Variants in DENND2B observed in about 807,000 individuals in gnomAD.
DENND2B encodes DENN domain containing 2B.
A neutral mutation model predicts 116.0 loss-of-function variants in DENND2B; 32 were observed. That is an observed-to-expected ratio of 0.28 (90% CI 0.21 to 0.37). DENND2B has a LOEUF of 0.37. Ranked by LOEUF, DENND2B falls within the 10% of genes least tolerant of loss-of-function variation. DENND2B has a pLI of 1.00. For synonymous variants in DENND2B, 588 were observed against 583.9 expected (o/e 1.01, Z -0.10); for missense variants, 1,276 against 1,477.7 (o/e 0.86, Z 2.24).
intron 1 of DENND2B, among the ~76,000 whole-genome samples, chr11:8,883,466 G>T (rs1035976197): frequency 6.6e-6 from 1 of 152,090 alleles, no homozygotes; most frequent in Non-Finnish European, 1.5e-5. Flanking sequence ...AGTTTGGTTT[G>T]ATTTTCTTTT....
rs1173946057 is a variant in DENND2B at position 8,902,784 on chromosome 11, T to C, written c.-256+8037A>G. ...CTTTCAACTTATTTGTGTGTTTGAC[T>C]ATAAGTTGTGTTTCTTGTAGACAGA... On this transcript the variant is annotated intron_variant, in intron 1 of 22. Transcript: ENST00000534127. Among the ~76,000 whole-genome samples, 5 of 152,252 alleles carry C rather than the reference T, an allele frequency of 3.3e-5. No individual in the cohort carries two copies. The East Asian group carries it at 9.6e-4, about 29-fold the overall frequency.
Position 8,712,528 on chromosome 11 carries a change from G to C in DENND2B, c.2172+23C>G. ...GATGGAAGAGGGGGAATATGGGCAA[G>C]GTGGGGAGAGAGAAGGCCTCACCTT... On this transcript the variant is annotated intron_variant, in intron 9 of 19. Transcript: ENST00000313726. This position sits in a 1 kb window ranked among gnomAD's most constrained non-coding sequence, Gnocchi z 4.4. The C allele has an allele frequency of 6.5e-7, 1 of 1,546,524 alleles. No homozygotes were observed. The highest frequency in any genetic ancestry group is 8.7e-7 in the Non-Finnish European group (1 of 1,143,198).
intron 4 of DENND2B, among the ~76,000 whole-genome samples, chr11:8,723,939 G>A (rs760450940): frequency 5.6e-4 from 85 of 152,252 alleles, no homozygotes; most frequent in Non-Finnish European, 1.1e-3. Context: ...CAATGGCCCA[G>A]CAAGTGGTAA....
At chr11:8,710,687 C>T (rs2043450505) in intron 11 of DENND2B, among the ~76,000 whole-genome samples, 158 bp downstream of exon 11, 5 of 150,872 alleles carry the variant, frequency 3.3e-5, no homozygotes, top group Admixed American at 3.3e-4. Flanking sequence ...TGTGTGTTGG[C>T]AGGGGGTTCG....
At chr11:8,746,804 G>C (rs904943412) in intron 2 of DENND2B, among the ~76,000 whole-genome samples, 1 of 152,196 alleles carries the variant, frequency 6.6e-6, no homozygotes, top group Non-Finnish European at 1.5e-5. Flanking sequence ...GAAGATCCCA[G>C]GAGTGCTCAT....
chr11:8,806,636 A>ACACACACACACACACC (rs1426363936), intron 1 of DENND2B, among the ~76,000 whole-genome samples: 49 of 151,706 alleles, frequency 3.2e-4, no homozygotes, highest in African/African-American at 1.1e-3. Context: ...ACACACACAC[A>ACACACACACACACACC]CACCCAGGAG....
chr11:8,844,133 T>G (rs1205384370), intron 3 of DENND2B, among the ~76,000 whole-genome samples: 1 of 152,182 alleles, frequency 6.6e-6, no homozygotes, highest in Non-Finnish European at 1.5e-5. Flanking sequence ...GGCACAGTGG[T>G]GCATGCCTGT....
At chr11:8,751,725 C>T (rs1304616521) in intron 1 of DENND2B, among the ~76,000 whole-genome samples, 2 of 152,180 alleles carry the variant, frequency 1.3e-5, no homozygotes, top group Non-Finnish European at 2.9e-5. Context: ...CACAATTTCA[C>T]AGAAAACAAA....
chr11:8,762,366 CTAGA>C (rs2054822171), intron 1 of DENND2B, among the ~76,000 whole-genome samples: 1 of 152,192 alleles, frequency 6.6e-6, no homozygotes, highest in South Asian at 2.1e-4. Flanking sequence ...ACTGCCCTCC[CTAGA>C]TAGGGTGAAC....
At chr11:8,760,529 GATCA>G (rs2054417679) in intron 1 of DENND2B, among the ~76,000 whole-genome samples, 1 of 152,024 alleles carries the variant, frequency 6.6e-6, no homozygotes, top group Non-Finnish European at 1.5e-5. Flanking sequence ...GAGGTGGGAG[GATCA>G]CTTGAGCCCA....
chr11:8,840,929 G>A (rs2062601758), intron 3 of DENND2B, among the ~76,000 whole-genome samples: 1 of 152,078 alleles, frequency 6.6e-6, no homozygotes, highest in Non-Finnish European at 1.5e-5. Flanking sequence ...TGTTGATACT[G>A]TTTTCATCAA....
intron 1 of DENND2B, among the ~76,000 whole-genome samples, chr11:8,888,873 C>T (rs1373565360): frequency 1.3e-5 from 2 of 152,084 alleles, no homozygotes; most frequent in African/African-American, 4.8e-5. Flanking sequence ...TGAGATGCCA[C>T]CTCATACCTA....
At chr11:8,757,087 C>G (rs1331868793) in intron 1 of DENND2B, 1 of 456,294 alleles carries the variant, frequency 2.2e-6, no homozygotes, top group Non-Finnish European at 4.4e-6. Flanking sequence ...CAAACAGGCA[C>G]AGTCGCAGGC....
chr11:8,888,533 T>C (rs1438353722), intron 1 of DENND2B, among the ~76,000 whole-genome samples: 2 of 152,144 alleles, frequency 1.3e-5, no homozygotes, highest in African/African-American at 2.4e-5. Context: ...TTCTGGGATA[T>C]GACACAAAGG....
chr11:8,806,838 G>T (rs188466583), intron 1 of DENND2B, among the ~76,000 whole-genome samples: 1 of 151,742 alleles, frequency 6.6e-6, no homozygotes, highest in African/African-American at 2.4e-5. Flanking sequence ...CTCCCCAGGA[G>T]AAGGCACACA....
intron 1 of DENND2B, chr11:8,810,115 T>C (rs1470304063): frequency 2.6e-5 from 4 of 151,016 alleles, no homozygotes; most frequent in African/African-American, 9.8e-5. Context: ...ACAGACAGTG[T>C]TCACTAGGAC....
Position 8,792,070 on chromosome 11 carries a change from T to C in DENND2B, c.-26+18447A>G, listed in dbSNP as rs375988137. Among the ~76,000 whole-genome samples, 6 of 151,602 alleles carry C rather than the reference T, an allele frequency of 4.0e-5. 1 individual carries two copies. The South Asian group carries it at 1.3e-3, about 32-fold the overall frequency. On this transcript the variant is annotated intron_variant, in intron 1 of 19. Coordinates refer to ENST00000313726, the MANE Select transcript of DENND2B (RefSeq NM_213618.2). Reference sequence around the variant, plus strand: ...AAATACAAAAATTAGCTGGGCATGATGGTGGGTGCCTGTAATCCCAGCTAC... The same window carrying C: ...AAATACAAAAATTAGCTGGGCATGACGGTGGGTGCCTGTAATCCCAGCTAC...
In DENND2B at chr11:8,717,770, C is replaced by T; in HGVS notation, c.1600G>A (p.Asp534Asn). Residue 534 changes from aspartate to asparagine, a missense_variant, in exon 5 of 20, where the codon GAC (aspartate) becomes AAC (asparagine). Physicochemically the swap from Asp to Asn is conservative, Grantham distance 23. This residue lies in a region of DENND2B where 856 missense variants were observed against 846.6 expected (regional missense o/e 1.01). Coordinates refer to ENST00000313726, the MANE Select transcript of DENND2B (RefSeq NM_213618.2). ...GTGGGCGGGCTGTTGTACTTCCTGT[C>T]CTGAGGACTCCACATCCTGTGCAAA... Reference protein sequence around the residue: ...DSLHRMWSPQDRKYNSPPTQL... With the variant: ...DSLHRMWSPQNRKYNSPPTQL... 4.4e-6 allele frequency: 7 copies of T among 1,597,170 alleles called. No individual in the cohort carries two copies. Among genetic ancestry groups the T allele is most frequent in the Non-Finnish European group, 6.0e-6 (7 of 1,168,752 alleles).
intron 3 of DENND2B, among the ~76,000 whole-genome samples, chr11:8,840,129 A>T (rs2062575050): frequency 6.6e-6 from 1 of 152,038 alleles, no homozygotes; most frequent in African/African-American, 2.4e-5. Context: ...AGCGAGAATG[A>T]GACTAATGTA....
Sources: gnomAD v4.1 joint callset for allele counts (sites outside exome capture counted in the v4.1 genomes callset) on GRCh38, gnomAD v4.1.1 for gene constraint, gnomAD v4.1.1 regional missense constraint, Gnocchi (gnomAD v3.1) non-coding constraint, MANE v1.5 for transcripts, NCBI Gene and HGNC (gene_info 2026-07-23, HGNC 2026-07-21) for gene names.